Variants in PHACTR1 observed in about 807,000 individuals in gnomAD.
PHACTR1 encodes RPEL repeat containing 1.
In PHACTR1, 16 loss-of-function variants were observed where a neutral mutation model predicts 69.2. That is an observed-to-expected ratio of 0.23 (90% CI 0.16 to 0.35). PHACTR1 has a LOEUF of 0.35. Among genes scored for constraint, PHACTR1 ranks in the 10% least tolerant of loss-of-function variants. PHACTR1 has a pLI of 1.00. For missense variants in PHACTR1, 510 were observed against 734.7 expected (o/e 0.69, Z 3.54); for synonymous variants, 312 against 284.5 (o/e 1.10, Z -0.97).
chr6:13,242,222 C>T (rs1399765789), intron 10 of PHACTR1, among the ~76,000 whole-genome samples: 1 of 152,122 alleles, frequency 6.6e-6, no homozygotes, highest in Non-Finnish European at 1.5e-5. Flanking sequence ...ATCTCAATAG[C>T]AAGGGAAGAG....
chr6:13,039,353 A>G (rs534024583), intron 4 of PHACTR1, among the ~76,000 whole-genome samples: 36 of 152,314 alleles, frequency 2.4e-4, no homozygotes, highest in Middle Eastern at 3.4e-3. Context: ...AAACCTTCAA[A>G]AATATTTTCT....
intron 5 of PHACTR1, among the ~76,000 whole-genome samples, chr6:13,078,981 C>G (rs544640478): frequency 1.3e-5 from 2 of 152,286 alleles, no homozygotes; most frequent in African/African-American, 2.4e-5. Flanking sequence ...AGTTTACAGT[C>G]TTTAACCCAA....
At chr6:12,751,154 A>G (rs890690756) in intron 4 of PHACTR1, among the ~76,000 whole-genome samples, 77 of 152,340 alleles carry the variant, frequency 5.1e-4, no homozygotes, top group African/African-American at 1.8e-3. Flanking sequence ...GAAGAATGGT[A>G]ACTGAATGTG....
chr6:13,017,310 G>T (rs1329478069), intron 4 of PHACTR1, among the ~76,000 whole-genome samples: 1 of 151,856 alleles, frequency 6.6e-6, no homozygotes, highest in Non-Finnish European at 1.5e-5. Flanking sequence ...TGGAACATTA[G>T]GTATTGTGGT....
chr6:12,931,811 C>A (rs1324522257), intron 4 of PHACTR1, among the ~76,000 whole-genome samples: 2 of 151,732 alleles, frequency 1.3e-5, no homozygotes, highest in African/African-American at 4.8e-5. Flanking sequence ...GCTTAACATG[C>A]ATTTCAATTG....
chr6:12,836,850 A>G (rs936253706), intron 4 of PHACTR1, among the ~76,000 whole-genome samples: 1 of 152,182 alleles, frequency 6.6e-6, no homozygotes, highest in African/African-American at 2.4e-5. Context: ...CAGTAAAACT[A>G]CTGACATCAG....
At chr6:12,983,677 C>T (rs1239636966) in intron 4 of PHACTR1, among the ~76,000 whole-genome samples, 1 of 152,116 alleles carries the variant, frequency 6.6e-6, no homozygotes, top group African/African-American at 2.4e-5. Flanking sequence ...GGTATATCTC[C>T]CAATGCTACC....
chr6:13,231,091 G>GGAA (rs1292085089), intron 10 of PHACTR1, among the ~76,000 whole-genome samples: 2,928 of 52,448 alleles, frequency 0.056, 527 homozygotes, highest in Middle Eastern at 0.092. Flanking sequence ...AAGGAAGAAG[G>GGAA]AAGGAAGGGA....
At chr6:12,742,979 A>G (rs1164482453) in intron 3 of PHACTR1, among the ~76,000 whole-genome samples, 1 of 152,214 alleles carries the variant, frequency 6.6e-6, no homozygotes, top group Non-Finnish European at 1.5e-5. Flanking sequence ...TATTCCAAGT[A>G]AACTAAATAA....
At chr6:12,810,267 T>C (rs1774872607) in intron 4 of PHACTR1, among the ~76,000 whole-genome samples, 1 of 152,214 alleles carries the variant, frequency 6.6e-6, no homozygotes, top group Non-Finnish European at 1.5e-5. Flanking sequence ...GGGGCCAAAA[T>C]TGCTCCTGGC....
intron 4 of PHACTR1, among the ~76,000 whole-genome samples, chr6:12,814,682 A>G (rs1489624655): frequency 1.4e-5 from 2 of 144,408 alleles, no homozygotes; most frequent in Non-Finnish European, 3.0e-5. Flanking sequence ...CACCCACCAA[A>G]TGTTCTACAA....
Position 13,227,867 on chromosome 6 carries a change from C to G in PHACTR1, c.1038C>G (p.His346Gln). The G allele has an allele frequency of 1.9e-6, 3 of 1,614,028 alleles. No homozygotes were observed. Among genetic ancestry groups the G allele is most frequent in the South Asian group, 2.2e-5 (2 of 91,088 alleles). The part of the protein sequence containing the change: ...CSTSYHSSGL[H>Q]SGDGVTKAGP... ...CTTCTTACCACAGCTCTGGGTTGCA[C>G]TCGGGTGATGGGGTCACCAAAGCAG... Residue 346 changes from histidine (H) to glutamine (Q), a missense_variant, in exon 9 of 15, where the codon CAC (histidine) becomes CAG (glutamine). Transcript: ENST00000332995.
At chr6:12,815,629 C>T (rs1387295371) in intron 4 of PHACTR1, among the ~76,000 whole-genome samples, 1 of 152,224 alleles carries the variant, frequency 6.6e-6, no homozygotes, top group Non-Finnish European at 1.5e-5. Flanking sequence ...AATTAAGTCA[C>T]ATTTGTGAAA....
intron 4 of PHACTR1, among the ~76,000 whole-genome samples, chr6:12,942,366 T>C (rs914941117): frequency 3.3e-5 from 5 of 152,202 alleles, no homozygotes; most frequent in African/African-American, 1.2e-4. Flanking sequence ...TGAGTATTTA[T>C]TGCCAAGTGA....
At chr6:12,757,996 C>A (rs1328186529) in intron 4 of PHACTR1, among the ~76,000 whole-genome samples, 1 of 152,110 alleles carries the variant, frequency 6.6e-6, no homozygotes. Flanking sequence ...CCTGCAGTCC[C>A]AGCTCCTCTG....
At chr6:12,738,816 G>T in intron 3 of PHACTR1, among the ~76,000 whole-genome samples, 1 of 152,194 alleles carries the variant, frequency 6.6e-6, no homozygotes, top group East Asian at 1.9e-4. Flanking sequence ...AGTGAGCCGA[G>T]ATCACGCCAC....
intron 4 of PHACTR1, among the ~76,000 whole-genome samples, chr6:12,997,331 T>TCA (rs1026130585): frequency 4.8e-4 from 71 of 147,800 alleles, no homozygotes; most frequent in Middle Eastern, 3.6e-3. Context: ...TAAATATATT[T>TCA]TATATATATA....
At chr6:13,039,931 C>G (rs182826894) in intron 4 of PHACTR1, among the ~76,000 whole-genome samples, 1 of 152,150 alleles carries the variant, frequency 6.6e-6, no homozygotes, top group East Asian at 1.9e-4. Context: ...ACAGATGATG[C>G]TTTTGCATTA....
At chr6:12,916,024 C>G (rs374582491) in intron 4 of PHACTR1, among the ~76,000 whole-genome samples, 1 of 152,142 alleles carries the variant, frequency 6.6e-6, no homozygotes, top group African/African-American at 2.4e-5. Flanking sequence ...CAAAACTGTG[C>G]GTGGAGAAAA....
Sources: allele counts gnomAD v4.1 joint callset (sites outside exome capture counted in the v4.1 genomes callset), GRCh38; gene constraint gnomAD v4.1.1; transcripts MANE v1.5; gene names NCBI Gene and HGNC (gene_info 2026-07-23, HGNC 2026-07-21).